MAGI2: variants seen among roughly 807,000 people sequenced by gnomAD.
MAGI2 encodes membrane associated guanylate kinase, WW and PDZ domain containing 2, also known as membrane-associated guanylate kinase, WW and PDZ domain-containing protein 2.
In MAGI2, 35 loss-of-function variants were observed where a neutral mutation model predicts 133.3. The ratio of observed to expected loss-of-function variants is 0.26; its 90% CI spans 0.20 to 0.35. The LOEUF (loss-of-function observed/expected upper bound fraction) is 0.35. MAGI2 is among the 10% of genes least tolerant of loss of function. The probability of loss-of-function intolerance (pLI) is 1.00; values close to 1 mark genes in which losing one functional copy is unlikely to be tolerated. For missense variants in MAGI2, 1,636 were observed against 1,863.4 expected, an observed-to-expected ratio of 0.88 and a Z score of 2.25; for synonymous variants, 729 against 710.6, an observed-to-expected ratio of 1.03 and a Z score of -0.41.
intron 1 of MAGI2, among the ~76,000 whole-genome samples, chr7:79,104,775 A>G (rs1417225891): frequency 6.6e-6 from 1 of 152,200 alleles, no homozygotes; most frequent in Non-Finnish European, 1.5e-5. Flanking sequence ...GAATGAGGAA[A>G]GGACCTTCTC....
At chr7:78,491,119 T>C (rs984188748) in intron 5 of MAGI2, among the ~76,000 whole-genome samples, 3 of 152,128 alleles carry the variant, frequency 2.0e-5, no homozygotes, top group African/African-American at 7.2e-5. Context: ...GTTAGCTAGA[T>C]AATCTGATAA....
intron 9 of MAGI2, among the ~76,000 whole-genome samples, chr7:78,299,317 A>G (rs1056717816): frequency 2.0e-5 from 3 of 152,208 alleles, no homozygotes; most frequent in African/African-American, 7.2e-5. Flanking sequence ...GAAATATGCT[A>G]TTCATCATAG....
At chr7:78,862,361 T>C (rs1023107536) in intron 2 of MAGI2, among the ~76,000 whole-genome samples, 1 of 152,146 alleles carries the variant, frequency 6.6e-6, no homozygotes, top group African/African-American at 2.4e-5. Flanking sequence ...AATGAAAACG[T>C]ATATGGGAAA....
chr7:78,684,456 T>C (rs1816049896), intron 2 of MAGI2, among the ~76,000 whole-genome samples: 1 of 152,132 alleles, frequency 6.6e-6, no homozygotes, highest in African/African-American at 2.4e-5. Context: ...GTCTTTGATC[T>C]CTAACACAGA....
intron 1 of MAGI2, among the ~76,000 whole-genome samples, chr7:79,062,255 T>C (rs1410020343): frequency 6.6e-6 from 1 of 152,096 alleles, no homozygotes; most frequent in South Asian, 2.1e-4. Context: ...AGTCCACAAT[T>C]GCTTACAAAT....
At chr7:79,160,064 T>C (rs1172301262) in intron 1 of MAGI2, among the ~76,000 whole-genome samples, 2 of 152,100 alleles carry the variant, frequency 1.3e-5, no homozygotes, top group Admixed American at 6.6e-5. Context: ...ATTAATTTGG[T>C]AAATTTCATC....
At chr7:78,407,232 T>G (rs1797461820) in intron 6 of MAGI2, among the ~76,000 whole-genome samples, 1 of 151,972 alleles carries the variant, frequency 6.6e-6, no homozygotes, top group South Asian at 2.1e-4. Context: ...CAAGTCAGAT[T>G]TGGGTTCTGT....
At chr7:79,022,607 C>G (rs1288851322) in intron 1 of MAGI2, among the ~76,000 whole-genome samples, 1 of 146,734 alleles carries the variant, frequency 6.8e-6, no homozygotes, top group Non-Finnish European at 1.5e-5. Flanking sequence ...GACAAATACA[C>G]TGCTAGCTAG....
At chr7:78,149,712 A>G (rs149966393) in intron 16 of MAGI2, among the ~76,000 whole-genome samples, 14 of 152,316 alleles carry the variant, frequency 9.2e-5, no homozygotes, top group Middle Eastern at 6.8e-3. Flanking sequence ...TGCTTTCTGG[A>G]AGACCCTCCT....
intron 2 of MAGI2, among the ~76,000 whole-genome samples, chr7:78,813,646 C>T (rs926135119): frequency 2.0e-5 from 3 of 151,820 alleles, no homozygotes; most frequent in Non-Finnish European, 4.4e-5. Context: ...ATTGGCCAGG[C>T]GTGGTGGCGG....
chr7:78,617,706 C>T (rs1807261231), intron 3 of MAGI2: 1 of 152,074 alleles, frequency 6.6e-6, no homozygotes, highest in East Asian at 1.9e-4. Context: ...TCAATAGAGG[C>T]CTCAAAGTTT....
At chr7:78,317,371 C>T (rs904569772) in intron 9 of MAGI2, among the ~76,000 whole-genome samples, 4 of 152,140 alleles carry the variant, frequency 2.6e-5, no homozygotes, top group African/African-American at 9.7e-5. Flanking sequence ...TGTTTCTGTA[C>T]TAAACACAGA....
chr7:78,792,455 A>C (rs1283081262), intron 2 of MAGI2, among the ~76,000 whole-genome samples: 1 of 152,238 alleles, frequency 6.6e-6, no homozygotes, highest in East Asian at 1.9e-4. Flanking sequence ...TCAAAAGATG[A>C]TAAAAGAGGC....
chr7:79,307,580 T>A (rs1318581942), intron 1 of MAGI2, among the ~76,000 whole-genome samples: 1 of 152,180 alleles, frequency 6.6e-6, no homozygotes, highest in Non-Finnish European at 1.5e-5. Flanking sequence ...AAAAAGTAGA[T>A]GTAATTGGAT....
intron 3 of MAGI2, among the ~76,000 whole-genome samples, chr7:78,605,679 G>A (rs1476584632): frequency 6.6e-6 from 1 of 152,190 alleles, no homozygotes; most frequent in African/African-American, 2.4e-5. Context: ...ATTTCACTAA[G>A]AGGAATCTGG....
chr7:78,398,938 T>G (rs1796603542), intron 6 of MAGI2, among the ~76,000 whole-genome samples: 1 of 152,202 alleles, frequency 6.6e-6, no homozygotes, highest in Non-Finnish European at 1.5e-5. Context: ...CAAATTTTCT[T>G]TGACAATGAA....
chr7:78,077,402 TAA>T (rs1491523232), intron 21 of MAGI2, among the ~76,000 whole-genome samples: 1 of 128,156 alleles, frequency 7.8e-6, no homozygotes, highest in Non-Finnish European at 1.8e-5. Context: ...TGCTTATTGA[TAA>T]TATATATATA....
At chr7:78,107,702 T>C (rs764211228) in intron 20 of MAGI2, among the ~76,000 whole-genome samples, 51 of 152,072 alleles carry the variant, frequency 3.4e-4, no homozygotes, top group Non-Finnish European at 2.8e-4. Flanking sequence ...GGATTTTGAT[T>C]TCTTCAAGGT....
At chr7:78,302,838 C>A (rs1797947087) in intron 9 of MAGI2, among the ~76,000 whole-genome samples, 2 of 152,258 alleles carry the variant, frequency 1.3e-5, no homozygotes, top group Middle Eastern at 6.8e-3. Context: ...AACGTCATTA[C>A]ACAGTTGTTC....
Sources: gnomAD v4.1 joint callset for allele counts (sites outside exome capture counted in the v4.1 genomes callset) on GRCh38, gnomAD v4.1.1 for gene constraint, MANE v1.5 for transcripts, NCBI Gene and HGNC (gene_info 2026-07-23, HGNC 2026-07-21) for gene names.